The following TRPM7 variants were observed in gnomAD, a reference collection of about 807,000 sequenced individuals.
TRPM7 encodes the protein LTRPC ion channel family member 7.
In TRPM7, 134 loss-of-function variants were observed where a neutral mutation model predicts 229.7. The observed-to-expected ratio is 0.58, with a 90% CI of 0.51 to 0.67. The LOEUF (loss-of-function observed/expected upper bound fraction) is 0.67. TRPM7 is among the 30% of genes least tolerant of loss of function. TRPM7 has a pLI of 0.00. For missense variants in TRPM7, 1,901 were observed against 2,210.0 expected (o/e 0.86, Z 2.80); for synonymous variants, 699 against 715.2 (o/e 0.98, Z 0.36).
rs907367341 is a variant in TRPM7, at chr15:50,670,293, C to T, written c.4-7247G>A. Reference sequence around the variant, plus strand: ...AGAGTGACTCCATCTTGAATAGGGGCTGAGTAAAATAAGGCTGAGACCTGC... The same window carrying T: ...AGAGTGACTCCATCTTGAATAGGGGTTGAGTAAAATAAGGCTGAGACCTGC... On this transcript the variant is annotated intron_variant, in intron 1 of 38. Coordinates refer to ENST00000646667, the MANE Select transcript of TRPM7 (RefSeq NM_017672.6). Among the ~76,000 whole-genome samples, 11 of 152,136 alleles carry T rather than the reference C, an allele frequency of 7.2e-5. 1 individual carries two copies. In the South Asian group the frequency reaches 2.3e-3, roughly 32 times the overall value.
At chr15:50,642,521 G>A (rs1359218123) in intron 5 of TRPM7, among the ~76,000 whole-genome samples, 8 of 152,282 alleles carry the variant, frequency 5.3e-5, no homozygotes, top group African/African-American at 1.9e-4. Context: ...TCTGGTGATA[G>A]TGACTGAGTT....
At position 50,586,378 on chromosome 15, in the gene TRPM7, G is replaced by C; in HGVS notation, c.4486+14C>G. On this transcript the variant is annotated intron_variant, in intron 28 of 38. Coordinates refer to ENST00000646667, the MANE Select transcript of TRPM7 (RefSeq NM_017672.6). Reference sequence around the variant, plus strand: ...TATGTTTTCTGACACTATTCATATGGTCAAAATACTCACCTTGTTTTGAAT... The same window carrying C: ...TATGTTTTCTGACACTATTCATATGCTCAAAATACTCACCTTGTTTTGAAT... The C allele has an allele frequency of 6.5e-7, 1 of 1,543,254 alleles. No homozygotes were observed. Among genetic ancestry groups the C allele is most frequent in the Non-Finnish European group, 9.0e-7 (1 of 1,116,052 alleles).
chr15:50,589,774 T>C (rs1197947372), intron 26 of TRPM7, 118 bp from the exon 27 acceptor site: 7 of 629,760 alleles, frequency 1.1e-5, no homozygotes, highest in South Asian at 2.0e-5. Context: ...GTACACTTGA[T>C]GGCTCTGCAG....
intron 1 of TRPM7, among the ~76,000 whole-genome samples, chr15:50,668,331 G>A (rs891310545): frequency 7.2e-5 from 11 of 152,072 alleles, no homozygotes; most frequent in Admixed American, 1.3e-4. Context: ...TGCTTAAAAC[G>A]TCGCTGATCC....
intron 21 of TRPM7, 124 bp downstream of exon 21, chr15:50,604,742 T>C (rs2059877938): frequency 3.2e-6 from 3 of 938,054 alleles, no homozygotes; most frequent in Middle Eastern, 3.2e-4. Flanking sequence ...ATGTGAAGTA[T>C]GAGGCAAACA....
At chr15:50,592,807 C>T (rs1452040612) in intron 25 of TRPM7, among the ~76,000 whole-genome samples, 181 bp from the exon 26 acceptor site, 1 of 152,162 alleles carries the variant, frequency 6.6e-6, no homozygotes, top group Admixed American at 6.5e-5. Context: ...GGATCCAGTG[C>T]TAATCTTATA....
chr15:50,609,463 A>T, intron 19 of TRPM7, 118 bp downstream of exon 19: 1 of 990,498 alleles, frequency 1.0e-6, no homozygotes, highest in South Asian at 2.2e-5. Context: ...CACTCTTTTA[A>T]ATGTGAAATG....
intron 15 of TRPM7, 47 bp from the exon 16 acceptor site, chr15:50,612,876 T>G: frequency 6.6e-7 from 1 of 1,518,366 alleles, no homozygotes; most frequent in Non-Finnish European, 8.8e-7. Context: ...TAAGGCCATA[T>G]GAAATTTATG....
intron 9 of TRPM7, among the ~76,000 whole-genome samples, chr15:50,632,139 G>A (rs1048722586): frequency 1.3e-5 from 2 of 152,040 alleles, no homozygotes; most frequent in East Asian, 3.9e-4. Context: ...ACCGCCTCTA[G>A]TCAAAATACA....
chr15:50,612,890 G>C lies in TRPM7; in HGVS notation c.1771-61C>G, dbSNP rs942734500. 4 of 1,467,070 alleles carry C rather than the reference G, an allele frequency of 2.7e-6. No homozygotes were observed. In the African/African-American group the frequency reaches 4.2e-5, roughly 16 times the overall value. The allele number at this position is 1,467,070 out of a possible 1,614,324, so 90.9% of individuals were successfully genotyped here. On this transcript the variant is annotated intron_variant, in intron 15 of 38. Coordinates refer to ENST00000646667, the MANE Select transcript of TRPM7 (RefSeq NM_017672.6). ...ATAAGGCCATATGAAATTTATGTCA[G>C]TGAAAATTTTAGTAAAATATCTTTA...
At chr15:50,642,405 C>G (rs1382994994) in intron 5 of TRPM7, among the ~76,000 whole-genome samples, 1 of 152,194 alleles carries the variant, frequency 6.6e-6, no homozygotes, top group Non-Finnish European at 1.5e-5. Flanking sequence ...AGCTTTGCAT[C>G]CCCACTCAAA....
chr15:50,674,867 C>T (rs1392354638), intron 1 of TRPM7, among the ~76,000 whole-genome samples: 1 of 152,170 alleles, frequency 6.6e-6, no homozygotes, highest in Non-Finnish European at 1.5e-5. Context: ...CCCTCTACTA[C>T]ATCCCATAGT....
intron 21 of TRPM7, chr15:50,604,491 A>G (rs759088563): frequency 6.5e-6 from 1 of 153,454 alleles, no homozygotes; most frequent in African/African-American, 2.4e-5. Flanking sequence ...AGAATCGCTG[A>G]ACCTGAGAGG....
intron 1 of TRPM7, among the ~76,000 whole-genome samples, chr15:50,668,450 A>G (rs1555434136): frequency 6.6e-6 from 1 of 152,010 alleles, no homozygotes; most frequent in Non-Finnish European, 1.5e-5. Context: ...TCTCTACCCC[A>G]TTTCTCAATT....
intron 29 of TRPM7, 64 bp downstream of exon 29, chr15:50,583,025 G>T: frequency 1.7e-6 from 2 of 1,207,126 alleles, no homozygotes; most frequent in South Asian, 1.8e-5. Context: ...CCACTTTGTA[G>T]ATCTTATCTA....
intron 4 of TRPM7, among the ~76,000 whole-genome samples, chr15:50,647,782 T>C (rs996569394): frequency 1.4e-4 from 21 of 152,238 alleles, no homozygotes; most frequent in African/African-American, 4.8e-4. Context: ...GTAGGCCTTC[T>C]GTATCTGTGG....
At chr15:50,621,157 C>CCAAA (rs2060391525) in intron 12 of TRPM7, among the ~76,000 whole-genome samples, 1 of 51,828 alleles carries the variant, frequency 1.9e-5, no homozygotes, top group Non-Finnish European at 3.9e-5. Flanking sequence ...GACTCCGTCT[C>CCAAA]AAAAAAAAAA....
chr15:50,685,702 A>G lies in TRPM7; in HGVS notation c.3+829T>C, dbSNP rs151063297. Among the ~76,000 whole-genome samples the G allele has an allele frequency of 3.9e-5, 6 of 152,314 alleles. No homozygotes were observed. The East Asian group carries it at 1.2e-3, about 29-fold the overall frequency. On this transcript the variant is annotated intron_variant, in intron 1 of 38. Coordinates refer to ENST00000646667, the MANE Select transcript of TRPM7 (RefSeq NM_017672.6). The stretch of plus-strand genomic sequence containing the variant: ...GCTCTTCATGTCCCTGATGTAAATG[A>G]CTTTCTTAAGAAATCTTCAAAATTG...
At chr15:50,617,937 G>A (rs1414026356) in intron 13 of TRPM7, among the ~76,000 whole-genome samples, 1 of 152,102 alleles carries the variant, frequency 6.6e-6, no homozygotes, top group Non-Finnish European at 1.5e-5. Context: ...GGTATTACGG[G>A]TATGAGCCAC....
Sources: gnomAD v4.1 joint callset for allele counts (sites outside exome capture counted in the v4.1 genomes callset) on GRCh38, gnomAD v4.1.1 for gene constraint, MANE v1.5 for transcripts, NCBI Gene and HGNC (gene_info 2026-07-23, HGNC 2026-07-21) for gene names.